Variants in OSBPL10 observed in about 807,000 individuals in gnomAD.
OSBPL10 encodes the protein oxysterol binding protein like 10, also known as oxysterol-binding protein-related protein 10.
OSBPL10 carries 49 observed loss-of-function variants against 81.7 expected under a neutral mutation model. The ratio of observed to expected loss-of-function variants is 0.60; its 90% CI spans 0.48 to 0.76. The LOEUF is 0.76. Among genes scored for constraint, OSBPL10 ranks in the 30% least tolerant of loss-of-function variants. The pLI, the probability that OSBPL10 is intolerant of heterozygous loss-of-function variation, is 0.00. For missense variants in OSBPL10, 923 were observed against 987.8 expected, an observed-to-expected ratio of 0.93 and a Z score of 0.88; for synonymous variants, 419 against 383.6, an observed-to-expected ratio of 1.09 and a Z score of -1.08.
At chr3:32,033,641 G>A (rs1042955408) in intron 2 of OSBPL10, among the ~76,000 whole-genome samples, 1 of 152,194 alleles carries the variant, frequency 6.6e-6, no homozygotes, top group African/African-American at 2.4e-5. Flanking sequence ...TCTATGATAG[G>A]TTTTATGAGA....
At chr3:32,060,560 C>CTTGTTGGAGTCTGAGTTG (rs1575094549) in intron 1 of OSBPL10, among the ~76,000 whole-genome samples, 3 of 96,846 alleles carry the variant, frequency 3.1e-5, no homozygotes, top group Admixed American at 1.2e-4. Context: ...ATAATATCCC[C>CTTGTTGGAGTCTGAGTTG]ACTCTTCATC....
At chr3:31,805,130 T>C (rs1433275470) in intron 4 of OSBPL10, among the ~76,000 whole-genome samples, 1 of 152,216 alleles carries the variant, frequency 6.6e-6, no homozygotes. Flanking sequence ...TGGTATGAGT[T>C]TGCAGTTTCT....
In OSBPL10 at chr3:31,919,129, G is replaced by A. The variant is rs954855360; in HGVS notation, c.282-39299C>T. On this transcript the variant is annotated intron_variant, in intron 1 of 11. Transcript: ENST00000396556. ...CCTGCCCAGACCACCTGGAAAGATC[G>A]CCTCTTTCATGGACTGTGTCCTCCT... 5.3e-5 allele frequency among the ~76,000 whole-genome samples: 8 copies of A among 152,096 alleles called. No homozygotes were observed. The South Asian group carries it at 6.2e-4, about 12-fold the overall frequency.
chr3:31,996,962 G>C (rs969757291), intron 2 of OSBPL10, among the ~76,000 whole-genome samples: 2 of 152,178 alleles, frequency 1.3e-5, no homozygotes, highest in Admixed American at 1.3e-4. Context: ...CAATGGGAGA[G>C]AAGCCAGAGG....
At chr3:31,930,441 C>T (rs957464988) in intron 1 of OSBPL10, among the ~76,000 whole-genome samples, 18 of 152,282 alleles carry the variant, frequency 1.2e-4, no homozygotes, top group African/African-American at 4.3e-4. Context: ...CATACCTTTA[C>T]ACTTAGCTAT....
At chr3:31,688,652 A>C (rs1700861007) in intron 7 of OSBPL10, among the ~76,000 whole-genome samples, 1 of 152,218 alleles carries the variant, frequency 6.6e-6, no homozygotes, top group Admixed American at 6.5e-5. Context: ...TTTTAAATGC[A>C]GATTCTCATT....
chr3:31,971,752 G>A (rs964716277), intron 1 of OSBPL10, among the ~76,000 whole-genome samples: 1 of 89,136 alleles, frequency 1.1e-5, no homozygotes, highest in African/African-American at 4.6e-5. Flanking sequence ...TCAGCCCACC[G>A]CCAGCTTTTA....
chr3:32,007,799 C>A (rs772529289), intron 2 of OSBPL10, among the ~76,000 whole-genome samples: 10 of 152,026 alleles, frequency 6.6e-5, no homozygotes, highest in African/African-American at 9.7e-5. Context: ...CTCCATCTCC[C>A]GAGTTCAAGC....
intron 1 of OSBPL10, among the ~76,000 whole-genome samples, chr3:31,903,042 C>T (rs1696296655): frequency 6.6e-6 from 1 of 152,214 alleles, no homozygotes; most frequent in Non-Finnish European, 1.5e-5. Context: ...CCTCCTTCAT[C>T]CCTGCTATAG....
chr3:31,812,816 A>G (rs62244798), intron 4 of OSBPL10, among the ~76,000 whole-genome samples: 334 of 32,386 alleles, frequency 0.01, 20 homozygotes, highest in African/African-American at 0.037. Flanking sequence ...GAAAGAAAGA[A>G]AGAGAAAGAA....
chr3:31,798,847 C>A (rs1420216196), intron 4 of OSBPL10, among the ~76,000 whole-genome samples: 1 of 152,182 alleles, frequency 6.6e-6, no homozygotes, highest in Non-Finnish European at 1.5e-5. Flanking sequence ...AAGCAGCAAT[C>A]CCCAATCTTT....
chr3:31,664,254 G>T, intron 10 of OSBPL10, 22 bp from the exon 11 acceptor site: 2 of 1,609,728 alleles, frequency 1.2e-6, no homozygotes, highest in Non-Finnish European at 1.7e-6. Context: ...TGGAGGAGAG[G>T]AAACAATCAG....
At chr3:31,917,884 A>G (rs1696803168) in intron 1 of OSBPL10, among the ~76,000 whole-genome samples, 1 of 151,888 alleles carries the variant, frequency 6.6e-6, no homozygotes, top group African/African-American at 2.4e-5. Context: ...GTGTGATTAC[A>G]GTTTAAAACA....
chr3:31,887,183 G>A (rs1695758981), intron 1 of OSBPL10, among the ~76,000 whole-genome samples: 1 of 152,130 alleles, frequency 6.6e-6, no homozygotes, highest in Non-Finnish European at 1.5e-5. Flanking sequence ...TAGCCTTCCA[G>A]GTCCCTCCTG....
At chr3:31,699,248 C>T (rs1294299742) in intron 7 of OSBPL10, among the ~76,000 whole-genome samples, 2 of 152,176 alleles carry the variant, frequency 1.3e-5, no homozygotes, top group East Asian at 3.9e-4. Flanking sequence ...CAAGGCTTCC[C>T]ATAGCCCTCA....
chr3:32,060,515 A>G (rs1433528879), intron 1 of OSBPL10, among the ~76,000 whole-genome samples: 1 of 152,198 alleles, frequency 6.6e-6, no homozygotes, highest in Non-Finnish European at 1.5e-5. Context: ...TTCCACTTCT[A>G]ACCTAGCCAC....
intron 10 of OSBPL10, among the ~76,000 whole-genome samples, chr3:31,665,126 G>C (rs555462794): frequency 6.6e-6 from 1 of 152,312 alleles, no homozygotes; most frequent in East Asian, 1.9e-4. Context: ...TTTAACACTA[G>C]TTTGTATTTG....
Position 31,980,881 on chromosome 3 carries a change from G to C in OSBPL10, c.281+18C>G. 6.4e-7 allele frequency: 1 copy of C among 1,551,564 alleles called. No homozygotes were observed. Among genetic ancestry groups the C allele is most frequent in the Non-Finnish European group, 8.7e-7 (1 of 1,152,448 alleles). On this transcript the variant is annotated intron_variant, in intron 1 of 11. Transcript: ENST00000396556. ...CACACACAGCGGCGCGCGGTGGCGC[G>C]GGCGGCTGGCGCGTTACCTGTTCTG... is the stretch of plus-strand genomic sequence containing the variant.
intron 1 of OSBPL10, among the ~76,000 whole-genome samples, chr3:31,894,307 A>AG (rs1014302886): frequency 5.3e-5 from 8 of 152,208 alleles, no homozygotes; most frequent in African/African-American, 7.2e-5. Context: ...AAGGAGGACA[A>AG]GGGGAGGCAG....
Sources: gnomAD v4.1 joint callset for allele counts (sites outside exome capture counted in the v4.1 genomes callset) on GRCh38, gnomAD v4.1.1 for gene constraint, MANE v1.5 for transcripts, NCBI Gene and HGNC (gene_info 2026-07-23, HGNC 2026-07-21) for gene names.